Variants in SLC5A4 observed in about 807,000 individuals in gnomAD.
SLC5A4 encodes the protein solute carrier family 5 member 4, also known as probable glucose sensor protein SLC5A4.
Under a neutral mutation model 70.3 loss-of-function variants are expected in SLC5A4, and 55 were observed. That is an observed-to-expected ratio of 0.78 (90% CI 0.63 to 0.98). The LOEUF (loss-of-function observed/expected upper bound fraction) is 0.98. Ranked by LOEUF, SLC5A4 falls within the 50% of genes least tolerant of loss-of-function variation. SLC5A4 has a pLI of 0.00. For missense variants in SLC5A4, 735 were observed against 839.2 expected, an observed-to-expected ratio of 0.88 and a Z score of 1.53; for synonymous variants, 268 against 305.7, an observed-to-expected ratio of 0.88 and a Z score of 1.29.
chr22:32,260,177 C>T (rs1927693433), upstream of SLC5A4, among the ~76,000 whole-genome samples: 1 of 152,162 alleles, frequency 6.6e-6, no homozygotes, highest in African/African-American at 2.4e-5. Context: ...CCCTGGGCCC[C>T]CTAATTCCAA....
the SLC5A4 span, chr22:32,269,871 C>T: frequency 1.2e-5 from 7 of 592,708 alleles, no homozygotes; most frequent in Middle Eastern, 5.7e-4. This position sits in a 1 kb window ranked among gnomAD's most constrained non-coding sequence, Gnocchi z 4.1. Context: ...CGATGGCATG[C>T]GTAGCGTCCG....
the SLC5A4 span, chr22:32,269,500 C>T: frequency 1.0e-5 from 6 of 579,188 alleles, no homozygotes; most frequent in East Asian, 8.4e-5. This position sits in a 1 kb window ranked among gnomAD's most constrained non-coding sequence, Gnocchi z 4.1. Flanking sequence ...GGCCCGGGCA[C>T]GTGGCTGTGT....
At chr22:32,322,415 T>C in the SLC5A4 span, among the ~76,000 whole-genome samples, 4 of 151,826 alleles carry the variant, frequency 2.6e-5, no homozygotes, top group Admixed American at 6.6e-5. Flanking sequence ...TGAAACCCCA[T>C]CTCTACTAAA....
chr22:32,284,275 G>A, the SLC5A4 span, among the ~76,000 whole-genome samples: 34,277 of 152,128 alleles, frequency 0.23, 4,289 homozygotes, highest in East Asian at 0.42. Context: ...CATTAAAATA[G>A]ATTTTTAAAC....
the SLC5A4 span, among the ~76,000 whole-genome samples, chr22:32,288,320 C>G: frequency 6.6e-6 from 1 of 152,136 alleles, no homozygotes; most frequent in African/African-American, 2.4e-5. Flanking sequence ...GTGACTAGTT[C>G]TAGCAAATGA....
chr22:32,340,232 G>A, the SLC5A4 span, among the ~76,000 whole-genome samples: 80 of 152,312 alleles, frequency 5.3e-4, no homozygotes, highest in East Asian at 0.013. Context: ...TGTTACAGCT[G>A]CTTAGCTCAG....
intron 3 of SLC5A4, among the ~76,000 whole-genome samples, chr22:32,251,246 A>T (rs1927136561): frequency 6.7e-6 from 1 of 150,130 alleles, no homozygotes; most frequent in Non-Finnish European, 1.5e-5. Flanking sequence ...ATATACCTGG[A>T]TGCTATGGTT....
the SLC5A4 span, among the ~76,000 whole-genome samples, chr22:32,328,662 A>AC: frequency 6.6e-6 from 1 of 152,038 alleles, no homozygotes; most frequent in Non-Finnish European, 1.5e-5. Context: ...CTCCTGAGAG[A>AC]CCCCAAGCCA....
intron 1 of SLC5A4, among the ~76,000 whole-genome samples, chr22:32,254,736 G>A (rs967336274): frequency 4.0e-5 from 6 of 151,798 alleles, no homozygotes; most frequent in African/African-American, 7.3e-5. Context: ...CCCAGGAGGC[G>A]GAGCTTGCAG....
the SLC5A4 span, among the ~76,000 whole-genome samples, chr22:32,321,069 C>G: frequency 6.6e-6 from 1 of 152,220 alleles, no homozygotes; most frequent in Non-Finnish European, 1.5e-5. Flanking sequence ...AGGCGGATCA[C>G]CAGGTCAGGA....
chr22:32,313,082 TAGA>T, the SLC5A4 span, among the ~76,000 whole-genome samples: 1 of 152,184 alleles, frequency 6.6e-6, no homozygotes, highest in Non-Finnish European at 1.5e-5. Flanking sequence ...AGGACTGGAA[TAGA>T]AGAACCAAAA....
In SLC5A4 at chr22:32,239,917, G is replaced by T. The variant is rs183189092; in HGVS notation, c.478-827C>A. Reference sequence around the variant, plus strand: ...CAGCCGTGTGTAGTCCCAGCTACTCGGGAGGCTGAGGCAGGAGAATGGTGT... The same window carrying T: ...CAGCCGTGTGTAGTCCCAGCTACTCTGGAGGCTGAGGCAGGAGAATGGTGT... On this transcript the variant is annotated intron_variant, in intron 5 of 14. Coordinates refer to ENST00000266086, the MANE Select transcript of SLC5A4 (RefSeq NM_014227.3). Among the ~76,000 whole-genome samples the T allele has an allele frequency of 9.5e-3, 1,429 of 149,638 alleles. 26 individuals carry two copies. The highest frequency in any genetic ancestry group is 0.033 in the African/African-American group (1,344 of 40,792).
At chr22:32,233,101 C>T (rs1925859486) in intron 8 of SLC5A4, 67 bp from the exon 9 acceptor site, 1 of 1,541,300 alleles carries the variant, frequency 6.5e-7, no homozygotes, top group Non-Finnish European at 8.8e-7. Context: ...GTCAGCGTCC[C>T]TTTCCAGAGT....
chr22:32,340,704 C>T, the SLC5A4 span, among the ~76,000 whole-genome samples: 5 of 152,146 alleles, frequency 3.3e-5, no homozygotes, highest in East Asian at 1.9e-4. Flanking sequence ...GGAACAGCAG[C>T]GGGGCTGGTG....
upstream of SLC5A4, among the ~76,000 whole-genome samples, chr22:32,259,483 A>T (rs1199010858): frequency 6.6e-6 from 1 of 152,006 alleles, no homozygotes; most frequent in Non-Finnish European, 1.5e-5. Context: ...CCTTTGTTCT[A>T]TTAACGTGGC....
the SLC5A4 span, among the ~76,000 whole-genome samples, chr22:32,312,355 A>ACGCG: frequency 1.3e-4 from 17 of 134,710 alleles, no homozygotes; most frequent in East Asian, 2.2e-4. Context: ...CCCAAATCAC[A>ACGCG]CGCGCGCGCG....
the SLC5A4 span, among the ~76,000 whole-genome samples, chr22:32,338,596 CAG>C: frequency 1.3e-5 from 2 of 152,134 alleles, no homozygotes; most frequent in Non-Finnish European, 2.9e-5. Context: ...ACCTGGGAGG[CAG>C]AGAGAGGCTG....
At chr22:32,308,462 GGA>G in the SLC5A4 span, among the ~76,000 whole-genome samples, 22,156 of 152,160 alleles carry the variant, frequency 0.15, 1,756 homozygotes, top group Non-Finnish European at 0.19. Context: ...GGCCTGTGGG[GGA>G]GTCAGTGTCA....
intron 10 of SLC5A4, 23 bp from the exon 11 acceptor site, chr22:32,229,367 G>A (rs771118078): frequency 1.9e-5 from 31 of 1,611,378 alleles, no homozygotes; most frequent in Non-Finnish European, 2.5e-5. Context: ...AAGGGTACAA[G>A]CACTGGTTAG....
Sources: gnomAD v4.1 joint callset for allele counts (sites outside exome capture counted in the v4.1 genomes callset) on GRCh38, gnomAD v4.1.1 for gene constraint, Gnocchi (gnomAD v3.1) non-coding constraint, MANE v1.5 for transcripts, NCBI Gene and HGNC (gene_info 2026-07-23, HGNC 2026-07-21) for gene names.